Variants in CLK3 observed in about 807,000 individuals in gnomAD.
CLK3 encodes CDC like kinase 3.
A neutral mutation model predicts 65.2 loss-of-function variants in CLK3; 24 were observed. The observed-to-expected ratio is 0.37, with a 90% CI of 0.27 to 0.52. The LOEUF is 0.52. CLK3 is among the 20% of genes least tolerant of loss of function. CLK3 has a pLI of 0.92. For synonymous variants in CLK3, 252 were observed against 240.8 expected (o/e 1.05, Z -0.43); for missense variants, 506 against 660.0 (o/e 0.77, Z 2.56).
Position 74,627,243 on chromosome 15 carries a change from G to A in CLK3, c.818-109G>A. 1 of 836,078 alleles carries A rather than the reference G, an allele frequency of 1.2e-6. No homozygotes were observed. The highest frequency in any genetic ancestry group is 1.4e-5 in the South Asian group (1 of 72,410). 51.8% of individuals were successfully genotyped at this position (836,078 alleles called of 1,614,324 possible). ...AGTCCAGCTCCCTGCTGAGGTGGGG[G>A]TGTGAGGACCTCTGGCAGTTGCTGG... On this transcript the variant is annotated intron_variant, in intron 7 of 12. Coordinates refer to ENST00000395066, the MANE Select transcript of CLK3 (RefSeq NM_001130028.2). This position sits in a 1 kb window ranked among gnomAD's most constrained non-coding sequence, Gnocchi z 4.3.
In CLK3 at chr15:74,622,375, G is replaced by C; in HGVS notation, c.467-119G>C. 3 of 1,047,274 alleles carry C rather than the reference G, an allele frequency of 2.9e-6. No homozygotes were observed. Among genetic ancestry groups the C allele is most frequent in the Non-Finnish European group, 4.3e-6 (3 of 700,988 alleles). 64.9% of individuals were successfully genotyped at this position (1,047,274 alleles called of 1,614,324 possible). On this transcript the variant is annotated intron_variant, in intron 4 of 12. Coordinates refer to ENST00000395066, the MANE Select transcript of CLK3 (RefSeq NM_001130028.2). This position sits in a 1 kb window ranked among gnomAD's most constrained non-coding sequence, Gnocchi z 4.6. The stretch of plus-strand genomic sequence containing the variant: ...AGACACTAGCAACTTCCATTTTTAA[G>C]AGTGTAGCAGTGAGAGAGAAACCTT...
In CLK3 at chr15:74,622,132, A is replaced by C; in HGVS notation, c.382A>C (p.Ser128Arg). 1.2e-6 allele frequency: 2 copies of C among 1,614,116 alleles called. No individual in the cohort carries two copies. The highest frequency in any genetic ancestry group is 1.7e-6 in the Non-Finnish European group (2 of 1,179,998). ...CSSASSRSQQ[S>R]SKRSSRSVED... ...GCGGTGCATGCAGAGAAGCCAACAGAGCAGTAAGCGCAGCAGCCGGAGTGT... is the reference window on the plus strand; with the variant it reads ...GCGGTGCATGCAGAGAAGCCAACAGCGCAGTAAGCGCAGCAGCCGGAGTGT... Residue 128 changes from serine (S) to arginine (R), a missense_variant, in exon 4 of 13, where the codon AGC becomes CGC. Physicochemically the swap from Ser to Arg is moderately radical, Grantham distance 110. This residue lies in a region of CLK3 where 325 missense variants were observed against 500.5 expected (regional missense o/e 0.65). Transcript: ENST00000395066. The surrounding 1 kb of genome is among the most constrained non-coding windows in gnomAD (Gnocchi z 4.6).
chr15:74,620,986 G>C (rs2062097535), intron 3 of CLK3: 1 of 152,390 alleles, frequency 6.6e-6, no homozygotes, highest in South Asian at 2.1e-4. Flanking sequence ...ATTGCGCTCA[G>C]TCCCCTGGGG....
upstream of CLK3, among the ~76,000 whole-genome samples, chr15:74,610,948 C>G (rs1332227061): frequency 6.6e-6 from 1 of 152,220 alleles, no homozygotes; most frequent in African/African-American, 2.4e-5. Flanking sequence ...TCCCAAGAAC[C>G]CTCAGCTTGC....
rs2062110368 is a variant in CLK3, at chr15:74,622,347, C to CA, written c.466+132dup. ...GGGCCACCAGTAATTGCCTGAATGA[C>CA]ACAGACACTAGCAACTTCCATTTTT... On this transcript the variant is annotated intron_variant, in intron 4 of 12. Coordinates refer to ENST00000395066, the MANE Select transcript of CLK3 (RefSeq NM_001130028.2). The surrounding 1 kb of genome is among the most constrained non-coding windows in gnomAD (Gnocchi z 4.6). 2.9e-6 allele frequency: 3 copies of CA among 1,039,636 alleles called. No homozygotes were observed. Among genetic ancestry groups the CA allele is most frequent in the Non-Finnish European group, 1.4e-6 (1 of 691,400 alleles). The allele number at this position is 1,039,636 out of a possible 1,614,324, so 64.4% of individuals were successfully genotyped here.
Position 74,620,003 on chromosome 15 carries a change from T to A in CLK3, c.153-6T>A. ...CTGACCAGCGTCCCCATCCCCCTTTTGGCAGCCATGACCGCCTGCCCTACC... is the reference window on the plus strand; with the variant it reads ...CTGACCAGCGTCCCCATCCCCCTTTAGGCAGCCATGACCGCCTGCCCTACC... On this transcript the variant is annotated splice_region_variant and splice_polypyrimidine_tract_variant and intron_variant, in intron 2 of 12. Transcript: ENST00000395066. The A allele has an allele frequency of 6.2e-7, 1 of 1,613,964 alleles. No individual in the cohort carries two copies. The highest frequency in any genetic ancestry group is 8.5e-7 in the Non-Finnish European group (1 of 1,179,964).
At position 74,620,143 on chromosome 15, in the gene CLK3, G is replaced by A. The variant is rs139627456; in HGVS notation, c.287G>A (p.Arg96Gln). ...CGTTCTCGTCATCGTCGGCGATCGC[G>A]GGAGAGGGGGCCATACCGGACCCGC... ...PSRSRHRRRS[R>Q]ERGPYRTRKH... The change falls in exon 3 of 13, where the codon CGG becomes CAG. Residue 96 changes from arginine (R) to glutamine (Q), a missense_variant. This residue lies in a region of CLK3 where 181 missense variants were observed against 159.4 expected (regional missense o/e 1.14). Transcript: ENST00000395066. 19 of 1,614,024 alleles carry A rather than the reference G, an allele frequency of 1.2e-5. No homozygotes were observed. The highest frequency in any genetic ancestry group is 5.3e-5 in the African/African-American group (4 of 74,940).
intron 10 of CLK3, 56 bp from the exon 11 acceptor site, chr15:74,628,548 C>T (rs767319386): frequency 5.3e-6 from 7 of 1,317,394 alleles, no homozygotes; most frequent in South Asian, 1.3e-5. Flanking sequence ...CCTTTTTCTC[C>T]TTGAAGGGGC....
In CLK3 at chr15:74,622,004, A is replaced by AACCC. The variant is rs765900494; in HGVS notation, c.370-112_370-109dup. 4 of 909,028 alleles carry AACCC rather than the reference A, an allele frequency of 4.4e-6. No individual in the cohort carries two copies. Among genetic ancestry groups the AACCC allele is most frequent in the Non-Finnish European group, 7.2e-6 (4 of 558,688 alleles). The allele number at this position is 909,028 out of a possible 1,614,324, so 56.3% of individuals were successfully genotyped here. A position where few individuals can be genotyped will look rare whatever the true frequency, so the allele number is the denominator to read the frequency against. On this transcript the variant is annotated intron_variant, in intron 3 of 12. Transcript: ENST00000395066. The surrounding 1 kb of genome is among the most constrained non-coding windows in gnomAD (Gnocchi z 4.6). ...TGGGATCTGGAAAATCCAACCAACC[A>AACCC]ACCCACCGGCTCCTCACCGTCTCCA...
chr15:74,623,470 G>A (rs929092838), intron 5 of CLK3: 2 of 152,242 alleles, frequency 1.3e-5, no homozygotes, highest in Non-Finnish European at 2.9e-5. Flanking sequence ...GGGTGTTCAG[G>A]TCATTCAGAC....
upstream of CLK3, among the ~76,000 whole-genome samples, chr15:74,611,906 CT>C (rs2061994499): frequency 6.6e-6 from 1 of 152,248 alleles, no homozygotes; most frequent in African/African-American, 2.4e-5. Context: ...TGAGCACGCA[CT>C]AAAACCCTTC....
At chr15:74,628,758 G>C in intron 11 of CLK3, 75 bp downstream of exon 11, 1 of 1,289,692 alleles carries the variant, frequency 7.8e-7, no homozygotes, top group East Asian at 2.3e-5. Flanking sequence ...GCAGGGTACT[G>C]GATGTGGTGA....
upstream of CLK3, chr15:74,613,224 G>A (rs2141529541): frequency 6.6e-6 from 1 of 152,530 alleles, no homozygotes; most frequent in Non-Finnish European, 1.5e-5. Flanking sequence ...GAGACCAAAA[G>A]GGGTGAGAGG....
In CLK3 at chr15:74,622,567, G is replaced by A. The variant is rs181805358; in HGVS notation, c.533+7G>A. 1.7e-5 allele frequency: 27 copies of A among 1,606,652 alleles called. No individual in the cohort carries two copies. The East Asian group carries it at 4.7e-4, about 28-fold the overall frequency. On this transcript the variant is annotated splice_region_variant and intron_variant, in intron 5 of 12. Coordinates refer to ENST00000395066, the MANE Select transcript of CLK3 (RefSeq NM_001130028.2). This position sits in a 1 kb window ranked among gnomAD's most constrained non-coding sequence, Gnocchi z 4.6. ...AGTGCTTGGACCATGCCAGGTGAGC[G>A]AGCTGCGGCAGTACAGCTGGCTCCG... is the stretch of plus-strand genomic sequence containing the variant.
intron 6 of CLK3, 136 bp downstream of exon 6, chr15:74,625,154 T>C: frequency 1.5e-6 from 1 of 674,944 alleles, no homozygotes; most frequent in Non-Finnish European, 2.6e-6. Flanking sequence ...GCAAAGGTCT[T>C]GCTGGAAGCC....
upstream of CLK3, chr15:74,615,395 T>G: frequency 1.6e-6 from 2 of 1,231,636 alleles, no homozygotes; most frequent in Non-Finnish European, 1.0e-6. Flanking sequence ...GCGTCCGCCT[T>G]CCCGAGCTCC....
intron 1 of CLK3, 70 bp downstream of exon 1, chr15:74,615,968 C>T (rs2062055324): frequency 4.5e-6 from 5 of 1,112,876 alleles, no homozygotes; most frequent in Non-Finnish European, 2.3e-6. Flanking sequence ...GCGGGGCAGG[C>T]GCGCTGGTGC....
rs567107282 is a variant in CLK3, at chr15:74,628,485, T to C, written c.1126-119T>C. ...GGAGAAGCTGGGGCTGCCGCTTCAT[T>C]GGTAGGTTTGCATGTCCTGGGGCAG... On this transcript the variant is annotated intron_variant, in intron 10 of 12. Transcript: ENST00000395066. The C allele has an allele frequency of 2.8e-5, 19 of 674,364 alleles. No homozygotes were observed. In the African/African-American group the frequency reaches 3.4e-4, roughly 12 times the overall value. The allele number at this position is 674,364 out of a possible 1,614,324, so 41.8% of individuals were successfully genotyped here.
rs1293721801 is a variant in CLK3, at chr15:74,622,781, A to G, written c.533+221A>G. ...CAGTTATGTGGCATCCCTACCCAAGAATTGTTGGTCAGTGAAAGGTTCTGC... is the reference window on the plus strand; with the variant it reads ...CAGTTATGTGGCATCCCTACCCAAGGATTGTTGGTCAGTGAAAGGTTCTGC... On this transcript the variant is annotated intron_variant, in intron 5 of 12. Coordinates refer to ENST00000395066, the MANE Select transcript of CLK3 (RefSeq NM_001130028.2). The surrounding 1 kb of genome is among the most constrained non-coding windows in gnomAD (Gnocchi z 4.6). 1.3e-5 allele frequency among the ~76,000 whole-genome samples: 2 copies of G among 152,120 alleles called. No homozygotes were observed. Among genetic ancestry groups the G allele is most frequent in the Non-Finnish European group, 2.9e-5 (2 of 68,016 alleles).
Sources: allele counts gnomAD v4.1 joint callset (sites outside exome capture counted in the v4.1 genomes callset), GRCh38; gene constraint gnomAD v4.1.1; regional missense constraint gnomAD v4.1.1; non-coding constraint Gnocchi (gnomAD v3.1); transcripts MANE v1.5; gene names NCBI Gene and HGNC (gene_info 2026-07-23, HGNC 2026-07-21).